CCDC7: variants seen among roughly 807,000 people sequenced by gnomAD.
CCDC7 encodes the protein coiled-coil domain containing 7.
Under a neutral mutation model 196.9 loss-of-function variants are expected in CCDC7, and 183 were observed. That is an observed-to-expected ratio of 0.93 (90% confidence interval 0.82 to 1.05). CCDC7 has a LOEUF of 1.05. Ranked by LOEUF, CCDC7 falls within the 50% of genes least tolerant of loss-of-function variation. CCDC7 has a pLI of 0.00. For synonymous variants in CCDC7, 525 were observed against 484.6 expected (o/e 1.08, Z -1.10); for missense variants, 1,540 against 1,482.2 (o/e 1.04, Z -0.64).
intron 18 of CCDC7, among the ~76,000 whole-genome samples, chr10:32,594,800 G>T (rs1255379792): frequency 1.3e-5 from 2 of 152,176 alleles, no homozygotes; most frequent in East Asian, 3.8e-4. Flanking sequence ...TGCATCTGTT[G>T]AGATAATCAT....
intron 20 of CCDC7, among the ~76,000 whole-genome samples, chr10:32,662,870 G>T (rs1198713311): frequency 6.6e-6 from 1 of 152,148 alleles, no homozygotes; most frequent in African/African-American, 2.4e-5. Flanking sequence ...GTCTTCTGTT[G>T]TTCTTACTCC....
intron 11 of CCDC7, among the ~76,000 whole-genome samples, chr10:32,521,212 A>G (rs561350807): frequency 2.0e-5 from 3 of 151,990 alleles, no homozygotes; most frequent in Admixed American, 1.3e-4. Flanking sequence ...GGCTTTTGCG[A>G]TTTCATATAA....
chr10:32,682,566 T>C (rs2075989558), intron 21 of CCDC7, among the ~76,000 whole-genome samples: 2 of 152,122 alleles, frequency 1.3e-5, no homozygotes, highest in African/African-American at 4.8e-5. Flanking sequence ...TTGAGAAATT[T>C]CCAAACTGTT....
At chr10:32,614,070 C>T (rs938412329) in intron 18 of CCDC7, among the ~76,000 whole-genome samples, 3 of 152,024 alleles carry the variant, frequency 2.0e-5, no homozygotes, top group African/African-American at 7.2e-5. Flanking sequence ...TAAGAAGTTT[C>T]TTTATGAATC....
At chr10:32,863,264 T>A (rs1413531614) in intron 41 of CCDC7, among the ~76,000 whole-genome samples, 1 of 152,126 alleles carries the variant, frequency 6.6e-6, no homozygotes, top group Non-Finnish European at 1.5e-5. Flanking sequence ...ATTTCAAAGC[T>A]ATAGTAATCA....
At position 32,511,695 on chromosome 10, in the gene CCDC7, C is replaced by T. The variant is rs1233175189; in HGVS notation, c.873-6250C>T. On this transcript the variant is annotated intron_variant, in intron 9 of 41. Coordinates refer to ENST00000639629, the Ensembl canonical transcript of CCDC7. ...GAATTCTCAAACGCTGACAAATACTCGTGAATTTCTACTGGATAGTCTTCA... is the reference window on the plus strand; with the variant it reads ...GAATTCTCAAACGCTGACAAATACTTGTGAATTTCTACTGGATAGTCTTCA... 9 of 1,582,154 alleles carry T rather than the reference C, an allele frequency of 5.7e-6. No homozygotes were observed. In the East Asian group the frequency reaches 1.3e-4, roughly 24 times the overall value.
intron 39 of CCDC7, among the ~76,000 whole-genome samples, chr10:32,850,818 C>CACACAG (rs1199692806): frequency 8.0e-4 from 99 of 124,474 alleles, no homozygotes; most frequent in African/African-American, 2.6e-3. Context: ...CACACACACA[C>CACACAG]AGAGACATGC....
intron 24 of CCDC7, among the ~76,000 whole-genome samples, chr10:32,701,854 G>A (rs552843591): frequency 1.4e-4 from 22 of 152,000 alleles, no homozygotes; most frequent in South Asian, 6.2e-4. Flanking sequence ...CTGTGGGATC[G>A]GTGGTGATAT....
intron 28 of CCDC7, among the ~76,000 whole-genome samples, chr10:32,762,188 A>G (rs1484024309): frequency 6.6e-6 from 1 of 151,942 alleles, no homozygotes; most frequent in Non-Finnish European, 1.5e-5. Flanking sequence ...TTTCTGTCAG[A>G]AGGTTTGGCT....
intron 41 of CCDC7, 39 bp from the exon 43 acceptor site, chr10:32,876,308 T>C (rs780840306): frequency 6.5e-7 from 1 of 1,527,068 alleles, no homozygotes; most frequent in Non-Finnish European, 9.0e-7. Context: ...GGAGTAAAAT[T>C]AAACTTTTTT....
chr10:32,533,674 A>G (rs912580438), intron 11 of CCDC7, among the ~76,000 whole-genome samples: 9 of 152,062 alleles, frequency 5.9e-5, no homozygotes, highest in Non-Finnish European at 7.4e-5. Flanking sequence ...GATGGATACA[A>G]TATTCTTGAA....
At chr10:32,643,119 TCTC>T (rs1358825964) in intron 20 of CCDC7, among the ~76,000 whole-genome samples, 2 of 152,204 alleles carry the variant, frequency 1.3e-5, no homozygotes, top group Non-Finnish European at 2.9e-5. Context: ...CATGTTGAAT[TCTC>T]CTCCTATTAT....
chr10:32,499,129 T>G (rs571887617), intron 9 of CCDC7: 3 of 150,386 alleles, frequency 2.0e-5, no homozygotes, highest in African/African-American at 7.3e-5. Flanking sequence ...GCCTATTTAA[T>G]GAACTCAGAA....
At chr10:32,667,204 T>C (rs1340671320) in intron 21 of CCDC7, among the ~76,000 whole-genome samples, 2 of 152,216 alleles carry the variant, frequency 1.3e-5, no homozygotes, top group Non-Finnish European at 2.9e-5. Flanking sequence ...TTGCCCACTT[T>C]TTGATAGGTT....
intron 32 of CCDC7, among the ~76,000 whole-genome samples, chr10:32,826,482 G>A (rs2091134814): frequency 6.6e-6 from 1 of 152,142 alleles, no homozygotes; most frequent in Non-Finnish European, 1.5e-5. Flanking sequence ...CCATAGAGTG[G>A]GGCATGCACA....
intron 24 of CCDC7, among the ~76,000 whole-genome samples, chr10:32,707,827 C>G (rs2080061355): frequency 6.6e-6 from 1 of 152,024 alleles, no homozygotes; most frequent in Non-Finnish European, 1.5e-5. Flanking sequence ...AAAGAGGATA[C>G]AAACAAATGG....
intron 18 of CCDC7, 74 bp from the exon 20 acceptor site, chr10:32,634,180 A>C: frequency 1.7e-6 from 1 of 604,258 alleles, no homozygotes; most frequent in South Asian, 8.9e-5. Flanking sequence ...GTACATGTTT[A>C]AAATGTGAAA....
Position 32,686,242 on chromosome 10 carries a change from C to G in CCDC7, c.2233+162C>G, listed in dbSNP as rs192844825. On this transcript the variant is annotated intron_variant, in intron 22 of 41. Coordinates refer to ENST00000639629, the Ensembl canonical transcript of CCDC7. ...AGAACAAAAGCTAGAGTATTTATCA[C>G]TTGGCAGTTAGTATTTCTTGTTGTA... is the stretch of plus-strand genomic sequence containing the variant. Among the ~76,000 whole-genome samples the G allele has an allele frequency of 5.9e-5, 9 of 152,350 alleles. No homozygotes were observed. In the East Asian group the frequency reaches 1.7e-3, roughly 29 times the overall value.
intron 21 of CCDC7, among the ~76,000 whole-genome samples, chr10:32,681,240 G>A (rs1235404957): frequency 1.3e-5 from 2 of 152,106 alleles, no homozygotes; most frequent in African/African-American, 4.8e-5. Flanking sequence ...GAATTTTGTG[G>A]TGGGCCAATT....
Sources: allele counts gnomAD v4.1 joint callset (sites outside exome capture counted in the v4.1 genomes callset), GRCh38; gene constraint gnomAD v4.1.1; transcripts MANE v1.5; gene names NCBI Gene and HGNC (gene_info 2026-07-23, HGNC 2026-07-21).